Variants in LAMA5 observed in about 807,000 individuals in gnomAD.
LAMA5 encodes laminin subunit alpha 5.
A neutral mutation model predicts 433.4 loss-of-function variants in LAMA5; 260 were observed. That is an observed-to-expected ratio of 0.60 (90% CI 0.54 to 0.66). The LOEUF (loss-of-function observed/expected upper bound fraction) is 0.66. Among genes scored for constraint, LAMA5 ranks in the 30% least tolerant of loss-of-function variants. The pLI is 0.00. For synonymous variants in LAMA5, 2,620 were observed against 2,226.6 expected, an observed-to-expected ratio of 1.18 and a Z score of -4.97; for missense variants, 5,378 against 5,258.5, an observed-to-expected ratio of 1.02 and a Z score of -0.70.
At chr20:62,331,948 A>G (rs1438381588) in intron 28 of LAMA5, among the ~76,000 whole-genome samples, 1 of 152,036 alleles carries the variant, frequency 6.6e-6, no homozygotes, top group African/African-American at 2.4e-5. Context: ...GGTACTTGGG[A>G]GACTGAGGCA....
rs201815547 is a variant in LAMA5, at chr20:62,322,666, G to T, written c.6157C>A (p.Arg2053Ser). 1 of 1,512,682 alleles carries T rather than the reference G, an allele frequency of 6.6e-7. No homozygotes were observed. Among genetic ancestry groups the T allele is most frequent in the Non-Finnish European group, 8.9e-7 (1 of 1,126,070 alleles). 93.7% of individuals were successfully genotyped at this position (1,512,682 alleles called of 1,614,324 possible). Residue 2053 changes from arginine (R) to serine (S), a missense_variant, in exon 46 of 80, where the codon CGC (arginine) becomes AGC (serine). Coordinates refer to ENST00000252999, the MANE Select transcript of LAMA5 (RefSeq NM_005560.6). Reference protein sequence around the residue: ...KAGVTGRRCDRCQEGHFGFDG... With the variant: ...KAGVTGRRCDSCQEGHFGFDG... ...TTACCCCACAGCCCTACCTGGCAGCGGTCACAGCGCCGCCCAGTCACGCCC... is the reference window on the plus strand; with the variant it reads ...TTACCCCACAGCCCTACCTGGCAGCTGTCACAGCGCCGCCCAGTCACGCCC...
chr20:62,309,181 T>C lies in LAMA5; in HGVS notation c.*155A>G. The C allele has an allele frequency of 2.6e-6, 2 of 757,568 alleles. No individual in the cohort carries two copies. The highest frequency in any genetic ancestry group is 4.0e-6 in the Non-Finnish European group (2 of 500,388). 46.9% of individuals were successfully genotyped at this position (757,568 alleles called of 1,614,324 possible). On this transcript the variant is annotated 3_prime_UTR_variant, in exon 80 of 80. Coordinates refer to ENST00000252999, the MANE Select transcript of LAMA5 (RefSeq NM_005560.6). Reference sequence around the variant, plus strand: ...TATAAAAACATTTTGCAGTATTTTATTCTTTCGTTTAAGAAGCTATAACTT... The same window carrying C: ...TATAAAAACATTTTGCAGTATTTTACTCTTTCGTTTAAGAAGCTATAACTT...
At chr20:62,361,763 G>A (rs1986153967) in intron 2 of LAMA5, among the ~76,000 whole-genome samples, 1 of 152,194 alleles carries the variant, frequency 6.6e-6, no homozygotes, top group Non-Finnish European at 1.5e-5. Context: ...TGGGTACCCG[G>A]GCCAAGTCGC....
At chr20:62,330,110 T>C (rs757576593) in intron 31 of LAMA5, among the ~76,000 whole-genome samples, 194 bp from the exon 32 acceptor site, 4 of 152,094 alleles carry the variant, frequency 2.6e-5, no homozygotes, top group Non-Finnish European at 4.4e-5. Context: ...GACCTACAGA[T>C]GTCATGCGGG....
In LAMA5 at chr20:62,327,141, C is replaced by T. The variant is rs3810544; in HGVS notation, c.5112+92G>A. 4 of 1,310,884 alleles carry T rather than the reference C, an allele frequency of 3.1e-6. No individual in the cohort carries two copies. The East Asian group carries it at 7.6e-5, about 25-fold the overall frequency. 81.2% of individuals were successfully genotyped at this position (1,310,884 alleles called of 1,614,324 possible). A position where few individuals can be genotyped will look rare whatever the true frequency, so the allele number is the denominator to read the frequency against. The stretch of plus-strand genomic sequence containing the variant: ...CTCACGGACCCCCATGGAGCTCCCC[C>T]TCCCTGGACAGACCCCGCTCCTGGC... On this transcript the variant is annotated intron_variant, in intron 38 of 79. Transcript: ENST00000252999.
Position 62,309,205 on chromosome 20 carries a change from T to G in LAMA5, c.*131A>C, listed in dbSNP as rs931671419. ...ATTCTTTCGTTTAAGAAGCTATAAC[T>G]TAAACCATCTTCAGAAACAAGATCT... On this transcript the variant is annotated 3_prime_UTR_variant, in exon 80 of 80. Transcript: ENST00000252999. 27 of 941,900 alleles carry G rather than the reference T, an allele frequency of 2.9e-5. No homozygotes were observed. Among genetic ancestry groups the G allele is most frequent in the Non-Finnish European group, 3.6e-5 (24 of 659,874 alleles). The allele number at this position is 941,900 out of a possible 1,614,324, so 58.3% of individuals were successfully genotyped here.
Position 62,310,736 on chromosome 20 carries a change from C to A in LAMA5, c.10375G>T (p.Ala3459Ser), listed in dbSNP as rs756130182. 2 of 1,583,348 alleles carry A rather than the reference C, an allele frequency of 1.3e-6. No homozygotes were observed. Among genetic ancestry groups the A allele is most frequent in the Non-Finnish European group, 8.6e-7 (1 of 1,168,114 alleles). Residue 3459 changes from alanine to serine, a missense_variant, in exon 75 of 80, where the codon GCA becomes TCA. Transcript: ENST00000252999. ...AGGGTGTGGGGCTGGGGGTGCTCTG[C>A]CCCCTGGTGCTGCCGGTGCGGCCCC... is the stretch of plus-strand genomic sequence containing the variant. ...QEGPHRQHQG[A>S]EHPQPHTLFV... is the part of the protein sequence containing the mutation.
chr20:62,332,562 C>T lies in LAMA5; in HGVS notation c.3438G>A (p.Leu1146=). ...QQGLLSLHPC[L]YSTLCRGTAR... ...CCCCACCGGCTCCCACTCACCTGTA[C>T]AGGCAGGGGTGCAGGGAGAGCAGCC... The change falls in exon 27 of 80, where the codon CTG becomes CTA. Residue 1146 remains leucine, a synonymous_variant. Transcript: ENST00000252999. 6.3e-7 allele frequency: 1 copy of T among 1,596,864 alleles called. No homozygotes were observed. Among genetic ancestry groups the T allele is most frequent in the Non-Finnish European group, 8.6e-7 (1 of 1,169,572 alleles).
chr20:62,347,204 T>G (rs1445270792), intron 6 of LAMA5, among the ~76,000 whole-genome samples, 176 bp from the exon 7 acceptor site: 2 of 152,066 alleles, frequency 1.3e-5, no homozygotes, highest in Admixed American at 1.3e-4. Flanking sequence ...AGACTCAGCG[T>G]CCCCGAGCCT....
rs753364901 is a variant in LAMA5, at chr20:62,346,506, G to T, written c.1282C>A (p.Arg428Ser). 5.2e-6 allele frequency: 8 copies of T among 1,550,790 alleles called. No individual in the cohort carries two copies. The highest frequency in any genetic ancestry group is 1.7e-4 in the Middle Eastern group (1 of 6,014). ...HPLDSPHVCR[R>S]CNCESDFTDG... is the part of the protein sequence containing the mutation. Reference sequence around the variant, plus strand: ...CACCCGCCCAGCTGAGCCCACTCACGGCGGCAGACGTGGGGCGAGTCGAGA... The same window carrying T: ...CACCCGCCCAGCTGAGCCCACTCACTGCGGCAGACGTGGGGCGAGTCGAGA... Residue 428 changes from arginine (R) to serine (S), a missense_variant and splice_region_variant, in exon 9 of 80, where the codon CGC (arginine) becomes AGC (serine). Arg to Ser is a moderately radical substitution (Grantham distance 110). Transcript: ENST00000252999.
At chr20:62,363,049 G>A (rs1986327952) in intron 1 of LAMA5, among the ~76,000 whole-genome samples, 1 of 152,200 alleles carries the variant, frequency 6.6e-6, no homozygotes, top group Admixed American at 6.5e-5. Flanking sequence ...GGGCTCCAGA[G>A]AGGCTTGGAC....
At position 62,317,011 on chromosome 20, in the gene LAMA5, G is replaced by C; in HGVS notation, c.7524C>G (p.Asp2508Glu). ...LALNLSSIIL[D>E]VNQDRLTQRA... is the part of the protein sequence containing the mutation. Reference sequence around the variant, plus strand: ...TCTGGGTGAGGCGGTCCTGGTTGACGTCCAGGATGATGCTGCAGCGGAAGG... The same window carrying C: ...TCTGGGTGAGGCGGTCCTGGTTGACCTCCAGGATGATGCTGCAGCGGAAGG... Residue 2508 changes from aspartate (D) to glutamate (E), a missense_variant, in exon 56 of 80, where the codon GAC becomes GAG. By Grantham distance (45) the Asp-to-Glu change is conservative. Coordinates refer to ENST00000252999, the MANE Select transcript of LAMA5 (RefSeq NM_005560.6). 2 of 1,533,006 alleles carry C rather than the reference G, an allele frequency of 1.3e-6. No individual in the cohort carries two copies. The highest frequency in any genetic ancestry group is 1.9e-4 in the Middle Eastern group (1 of 5,378). The allele number at this position is 1,533,006 out of a possible 1,614,324, so 95.0% of individuals were successfully genotyped here.
At chr20:62,350,923 A>C (rs1741634) in intron 6 of LAMA5, 88,738 of 152,278 alleles carry the variant, frequency 0.58, 27,671 homozygotes, top group East Asian at 0.75. Context: ...AGAACCAACG[A>C]AGGGAGGGAG....
rs1384801491 is a variant in LAMA5 at position 62,334,735 on chromosome 20, G to GGCTCAGA, written c.2483-115_2483-114insTCTGAGC. ...GGCTCTCTGGATGATGGAGAGTCAG[G>GGCTCAGA]GCTCAGGGCTCAGGGCTCAGGGCGA... On this transcript the variant is annotated intron_variant, in intron 20 of 79. Coordinates refer to ENST00000252999, the MANE Select transcript of LAMA5 (RefSeq NM_005560.6). The GGCTCAGA allele has an allele frequency of 1.2e-3, 865 of 693,898 alleles. 7 individuals are homozygous for GGCTCAGA. In the East Asian group the frequency reaches 0.02, roughly 16 times the overall value. The allele number at this position is 693,898 out of a possible 1,614,324, so 43.0% of individuals were successfully genotyped here.
At position 62,317,745 on chromosome 20, in the gene LAMA5, T is replaced by C. The variant is rs1987114436; in HGVS notation, c.7273A>G (p.Thr2425Ala). ...GCCGCATGCAGAGTGGCCTGCAGGG[T>C]GGCATTGTCCCGGGACAGCTCCTGC... ...RKQELSRDNA[T>A]LQATLHAARD... Residue 2425 changes from threonine (T) to alanine (A), a missense_variant, in exon 54 of 80, where the codon ACC (threonine) becomes GCC (alanine). Thr to Ala is a moderately conservative substitution (Grantham distance 58). Coordinates refer to ENST00000252999, the MANE Select transcript of LAMA5 (RefSeq NM_005560.6). 1 of 1,605,640 alleles carries C rather than the reference T, an allele frequency of 6.2e-7. No homozygotes were observed.
chr20:62,353,868 T>G (rs1984749499), intron 2 of LAMA5, among the ~76,000 whole-genome samples: 2 of 152,118 alleles, frequency 1.3e-5, no homozygotes, highest in African/African-American at 2.4e-5. Context: ...CCCCAGGGAC[T>G]GGGCTGCAGG....
chr20:62,362,530 G>A lies in LAMA5; in HGVS notation c.320C>T (p.Thr107Met), dbSNP rs371822417. ...TIRGQYCDIC[T>M]AANSNKAHPA... is the part of the protein sequence containing the mutation. ...GTGTGCCTTGTTGCTGTTGGCAGCC[G>A]TGCAGATGTCACAGTACTGGCCCTG... The change falls in exon 2 of 80, where the codon ACG becomes ATG. Residue 107 changes from threonine (T) to methionine (M), a missense_variant. By Grantham distance (81) the Thr-to-Met change is moderately conservative. Coordinates refer to ENST00000252999, the MANE Select transcript of LAMA5 (RefSeq NM_005560.6). 35 of 1,597,204 alleles carry A rather than the reference G, an allele frequency of 2.2e-5. No individual in the cohort carries two copies. The highest frequency in any genetic ancestry group is 1.7e-4 in the Middle Eastern group (1 of 5,934).
rs75269912 is a variant in LAMA5, at chr20:62,324,937, G to A, written c.5529+379C>T. On this transcript the variant is annotated intron_variant, in intron 41 of 79. Coordinates refer to ENST00000252999, the MANE Select transcript of LAMA5 (RefSeq NM_005560.6). The surrounding 1 kb of genome is among the most constrained non-coding windows in gnomAD (Gnocchi z 4.4). ...GTTACAGCAGACAGACAGATTAGCA[G>A]GGCAGATTAGCAGCTGGACAGACAC... is the stretch of plus-strand genomic sequence containing the variant. 2,290 of 387,662 alleles carry A rather than the reference G, an allele frequency of 5.9e-3. 35 individuals are homozygous for A. The highest frequency in any genetic ancestry group is 0.042 in the African/African-American group (2,083 of 49,644). 24.0% of individuals were successfully genotyped at this position (387,662 alleles called of 1,614,324 possible).
Position 62,311,292 on chromosome 20 carries a change from G to A in LAMA5, c.9958C>T (p.Arg3320Cys), listed in dbSNP as rs548422622. The A allele has an allele frequency of 6.3e-6, 10 of 1,585,660 alleles. No homozygotes were observed. The highest frequency in any genetic ancestry group is 4.5e-5 in the East Asian group (2 of 44,536). ...ATARKASRRS[R>C]QPARHPACML... Reference sequence around the variant, plus strand: ...CAGGCAGGATGCCGGGCGGGCTGACGGCTGCGGCGGGAGGCCTGGGGGCGT... The same window carrying A: ...CAGGCAGGATGCCGGGCGGGCTGACAGCTGCGGCGGGAGGCCTGGGGGCGT... The change falls in exon 73 of 80, where the codon CGT becomes TGT. Residue 3320 changes from arginine (R) to cysteine (C), a missense_variant. Arg to Cys is a radical substitution (Grantham distance 180, BLOSUM62 -3). Coordinates refer to ENST00000252999, the MANE Select transcript of LAMA5 (RefSeq NM_005560.6).
Sources: gnomAD v4.1 joint callset for allele counts (sites outside exome capture counted in the v4.1 genomes callset) on GRCh38, gnomAD v4.1.1 for gene constraint, Gnocchi (gnomAD v3.1) non-coding constraint, MANE v1.5 for transcripts, NCBI Gene and HGNC (gene_info 2026-07-23, HGNC 2026-07-21) for gene names.